Variants in WFS1 observed in about 807,000 individuals in gnomAD.
The protein encoded by WFS1 is wolframin.
Under a neutral mutation model 68.5 loss-of-function variants are expected in WFS1, and 90 were observed. That is an observed-to-expected ratio of 1.31 (90% CI 1.11 to 1.56). The LOEUF (loss-of-function observed/expected upper bound fraction) is 1.56, where lower values mean the gene tolerates loss of function less well. Among genes scored for constraint, WFS1 ranks in the 40% most tolerant of loss-of-function variants. The probability of loss-of-function intolerance (pLI) is 0.00; values close to 1 mark genes in which losing one functional copy is unlikely to be tolerated. For missense variants in WFS1, 1,767 were observed against 1,232.6 expected (o/e 1.43, Z -6.49); for synonymous variants, 860 against 540.7 (o/e 1.59, Z -8.19).
chr4:6,299,647 G>T, intron 7 of WFS1, among the ~76,000 whole-genome samples: 1 of 116,234 alleles, frequency 8.6e-6, no homozygotes, highest in Non-Finnish European at 1.7e-5. Flanking sequence ...GGTTGCGTGT[G>T]TGTGAATGTG....
At position 6,291,303 on chromosome 4, in the gene WFS1, C is replaced by G; in HGVS notation, c.567C>G (p.Pro189=). 6.2e-7 allele frequency: 1 copy of G among 1,613,502 alleles called. No individual in the cohort carries two copies. The highest frequency in any genetic ancestry group is 8.5e-7 in the Non-Finnish European group (1 of 1,180,010). ...AALVMYWKLN[P]KKKKQVAVAE... Reference sequence around the variant, plus strand: ...TGGTCATGTACTGGAAGCTCAACCCCAAGAAGAAGAAGCAGGTGGCCGTGG... The same window carrying G: ...TGGTCATGTACTGGAAGCTCAACCCGAAGAAGAAGAAGCAGGTGGCCGTGG... Residue 189 remains proline (P), a synonymous_variant, in exon 5 of 8, where the codon CCC becomes CCG. Transcript: ENST00000226760.
chr4:6,298,232 C>T (rs1026597829), intron 7 of WFS1, among the ~76,000 whole-genome samples: 1 of 152,204 alleles, frequency 6.6e-6, no homozygotes, highest in African/African-American at 2.4e-5. Flanking sequence ...CACATGTTGA[C>T]TCGTGTAGCT....
At position 6,282,002 on chromosome 4, in the gene WFS1, C is replaced by A. The variant is rs78191003; in HGVS notation, c.232+4315C>A. On this transcript the variant is annotated intron_variant, in intron 2 of 7. Transcript: ENST00000226760. ...ATGTCTACAGTCACCTACACAGCCC[C>A]AACTCTCATGGGTGGACGTGCTCGT... Among the ~76,000 whole-genome samples the A allele has an allele frequency of 6.1e-3, 931 of 152,328 alleles. 20 individuals are homozygous for A. Among genetic ancestry groups the A allele is most frequent in the African/African-American group, 0.022 (902 of 41,574 alleles).
At chr4:6,275,558 A>AC (rs1375523884) in intron 1 of WFS1, among the ~76,000 whole-genome samples, 15 of 96,128 alleles carry the variant, frequency 1.6e-4, no homozygotes, top group African/African-American at 6.5e-4. Context: ...GGGGTGCTTG[A>AC]CCATGCATGG....
intron 2 of WFS1, among the ~76,000 whole-genome samples, chr4:6,282,909 T>C (rs1730207284): frequency 6.6e-6 from 1 of 152,226 alleles, no homozygotes. Flanking sequence ...AGGCCCTATT[T>C]GCAGTGGCTT....
chr4:6,298,225 A>T (rs1171440149), intron 7 of WFS1, among the ~76,000 whole-genome samples: 4 of 152,230 alleles, frequency 2.6e-5, no homozygotes, highest in African/African-American at 9.6e-5. Flanking sequence ...GCTGACGCAC[A>T]TGTTGACTCG....
chr4:6,282,441 C>T (rs1414286200), intron 2 of WFS1, among the ~76,000 whole-genome samples: 1 of 152,184 alleles, frequency 6.6e-6, no homozygotes, highest in South Asian at 2.1e-4. Context: ...GCAGAGAGAT[C>T]GTGGAGGTCA....
chr4:6,300,656 G>A lies in WFS1; in HGVS notation c.862-1G>A, dbSNP rs1487715574. 8 of 1,613,882 alleles carry A rather than the reference G, an allele frequency of 5.0e-6. No homozygotes were observed. Among genetic ancestry groups the A allele is most frequent in the Non-Finnish European group, 6.8e-6 (8 of 1,179,978 alleles). ...GTTCCCACGTACCATCTTTCCCCCA[G>A]GTGGTCAAGTACCCCCTGCACGCCA... On this transcript the variant is annotated splice_acceptor_variant, in intron 7 of 7. Coordinates refer to ENST00000226760, the MANE Select transcript of WFS1 (RefSeq NM_006005.3). LOFTEE classifies it high-confidence loss of function.
At chr4:6,292,643 C>T (rs1730498774) in intron 6 of WFS1, among the ~76,000 whole-genome samples, 3 of 152,142 alleles carry the variant, frequency 2.0e-5, no homozygotes, top group East Asian at 1.9e-4. Flanking sequence ...CAGTCTGAGG[C>T]ACTGGGAGCT....
Position 6,287,308 on chromosome 4 carries a change from C to T in WFS1, c.315+133C>T, listed in dbSNP as rs1730343482. The T allele has an allele frequency of 2.5e-6, 2 of 792,332 alleles. No individual in the cohort carries two copies. Among genetic ancestry groups the T allele is most frequent in the Non-Finnish European group, 4.3e-6 (2 of 468,682 alleles). 49.1% of individuals were successfully genotyped at this position (792,332 alleles called of 1,614,324 possible). On this transcript the variant is annotated intron_variant, in intron 3 of 7. Transcript: ENST00000226760. The surrounding 1 kb of genome is among the most constrained non-coding windows in gnomAD (Gnocchi z 6.4). ...TCAGGAGCCAGCGTGGTGCACCCTA[C>T]CCCACTTGAGCCCCATGTTGGTAGG...
chr4:6,298,321 A>G (rs571441859), intron 7 of WFS1, among the ~76,000 whole-genome samples: 1 of 152,302 alleles, frequency 6.6e-6, no homozygotes, highest in African/African-American at 2.4e-5. Flanking sequence ...TGGTTTTCAT[A>G]AATGCCCTCT....
chr4:6,272,136 C>A (rs923146821), intron 1 of WFS1, among the ~76,000 whole-genome samples: 1 of 152,210 alleles, frequency 6.6e-6, no homozygotes, highest in Non-Finnish European at 1.5e-5. Context: ...CCTTCTGTGC[C>A]GTCTTTGTGG....
intron 2 of WFS1, among the ~76,000 whole-genome samples, chr4:6,286,830 C>T (rs1044968958): frequency 1.3e-5 from 2 of 152,192 alleles, no homozygotes; most frequent in East Asian, 1.9e-4. Context: ...GCCTCCCACC[C>T]CGAGCGCTTT....
intron 7 of WFS1, among the ~76,000 whole-genome samples, chr4:6,298,186 C>T (rs881796): frequency 0.57 from 86,683 of 151,882 alleles, 25,105 homozygotes; most frequent in East Asian, 0.72. Context: ...GCAAGGCCCC[C>T]ATACGGGGAT....
In WFS1 at chr4:6,281,703, G is replaced by A. The variant is rs929853536; in HGVS notation, c.232+4016G>A. ...GGCTCTGATGCAGATGTGGGAGTGC[G>A]CTGAGCCCCTGCTGCCCTGGGGACA... On this transcript the variant is annotated intron_variant, in intron 2 of 7. Transcript: ENST00000226760. Among the ~76,000 whole-genome samples, 9 of 152,094 alleles carry A rather than the reference G, an allele frequency of 5.9e-5. 1 individual carries two copies. Among genetic ancestry groups the A allele is most frequent in the Admixed American group, 3.9e-4 (6 of 15,274 alleles).
intron 1 of WFS1, among the ~76,000 whole-genome samples, chr4:6,274,719 C>G (rs543864139): frequency 2.0e-5 from 3 of 151,976 alleles, no homozygotes; most frequent in Middle Eastern, 3.2e-3. Flanking sequence ...GAAGGCATTC[C>G]GGGAAGAGGG....
intron 1 of WFS1, among the ~76,000 whole-genome samples, chr4:6,274,662 TCTTGA>T (rs1408070333): frequency 6.6e-6 from 1 of 151,918 alleles, no homozygotes; most frequent in Non-Finnish European, 1.5e-5. Context: ...TCGCTGGAGC[TCTTGA>T]CTTGAAGGGT....
intron 2 of WFS1, among the ~76,000 whole-genome samples, chr4:6,285,470 G>C (rs570383664): frequency 4.2e-4 from 64 of 152,258 alleles, no homozygotes; most frequent in African/African-American, 1.5e-3. Flanking sequence ...GCTGGAGTGC[G>C]TGTGCCTGAC....
Position 6,282,843 on chromosome 4 carries a change from G to A in WFS1, c.233-4250G>A, listed in dbSNP as rs1311609042. 7.2e-5 allele frequency among the ~76,000 whole-genome samples: 11 copies of A among 152,350 alleles called. No individual in the cohort carries two copies. In the East Asian group the frequency reaches 1.2e-3, roughly 16 times the overall value. On this transcript the variant is annotated intron_variant, in intron 2 of 7. Coordinates refer to ENST00000226760, the MANE Select transcript of WFS1 (RefSeq NM_006005.3). ...GCTTGGCAGTTCAGCTGCTCAGCCA[G>A]GGAGGTGCTGTGTCCTGGACTATGC...
Sources: gnomAD v4.1 joint callset for allele counts (sites outside exome capture counted in the v4.1 genomes callset) on GRCh38, gnomAD v4.1.1 for gene constraint, Gnocchi (gnomAD v3.1) non-coding constraint, MANE v1.5 for transcripts, NCBI Gene and HGNC (gene_info 2026-07-23, HGNC 2026-07-21) for gene names.